The following SOX5 variants were observed in gnomAD, a reference collection of about 807,000 sequenced individuals.
The protein encoded by SOX5 is SRY-box transcription factor 5.
SOX5 carries 9 observed loss-of-function variants against 92.0 expected under a neutral mutation model. That is an observed-to-expected ratio of 0.10 (90% confidence interval 0.06 to 0.17). SOX5 has a LOEUF of 0.17. Among genes scored for constraint, SOX5 ranks in the 10% least tolerant of loss-of-function variants. The pLI is 1.00. For missense variants in SOX5, 642 were observed against 944.5 expected (o/e 0.68, Z 4.20); for synonymous variants, 344 against 336.3 (o/e 1.02, Z -0.25).
At chr12:24,338,797 C>T (rs947939296) in intron 2 of SOX5, among the ~76,000 whole-genome samples, 1 of 152,162 alleles carries the variant, frequency 6.6e-6, no homozygotes, top group Non-Finnish European at 1.5e-5. Context: ...CTCTTGCCTA[C>T]CACCACGTAA....
chr12:24,276,343 TCA>T (rs1188437282), intron 3 of SOX5, among the ~76,000 whole-genome samples: 1 of 152,162 alleles, frequency 6.6e-6, no homozygotes, highest in Non-Finnish European at 1.5e-5. Flanking sequence ...CTAAGGGTTT[TCA>T]CACATACACT....
chr12:24,338,852 C>A (rs1379025258), intron 2 of SOX5, among the ~76,000 whole-genome samples: 1 of 152,154 alleles, frequency 6.6e-6, no homozygotes, highest in Non-Finnish European at 1.5e-5. Flanking sequence ...GATTGTGAGG[C>A]CTCCCCAGTC....
chr12:24,500,618 G>C (rs1168068467), intron 1 of SOX5, among the ~76,000 whole-genome samples: 1 of 151,964 alleles, frequency 6.6e-6, no homozygotes, highest in Non-Finnish European at 1.5e-5. Context: ...CTTTTCTATT[G>C]AGCTTCATTT....
At chr12:23,730,580 C>T (rs779020976) in intron 6 of SOX5, among the ~76,000 whole-genome samples, 1 of 152,144 alleles carries the variant, frequency 6.6e-6, no homozygotes, top group Admixed American at 6.6e-5. Context: ...AAGACTGTAA[C>T]CCTACAAAGT....
At chr12:24,196,471 G>T (rs1017212419) in intron 4 of SOX5, among the ~76,000 whole-genome samples, 1 of 152,110 alleles carries the variant, frequency 6.6e-6, no homozygotes, top group African/African-American at 2.4e-5. Flanking sequence ...TTTCTAAATG[G>T]AGAAACTGGA....
intron 4 of SOX5, among the ~76,000 whole-genome samples, chr12:24,028,312 C>T (rs926947918): frequency 3.3e-5 from 5 of 152,024 alleles, no homozygotes; most frequent in Admixed American, 6.6e-5. Context: ...GCCTGTCACA[C>T]AGCAATGCCT....
intron 2 of SOX5, among the ~76,000 whole-genome samples, chr12:24,361,797 CT>C (rs778270371): frequency 2.6e-5 from 4 of 152,250 alleles, no homozygotes; most frequent in African/African-American, 4.8e-5. Context: ...GCACTAGAAT[CT>C]CCCCATAGTC....
At chr12:24,141,909 T>C (rs1011987382) in intron 4 of SOX5, among the ~76,000 whole-genome samples, 1 of 152,090 alleles carries the variant, frequency 6.6e-6, no homozygotes, top group African/African-American at 2.4e-5. Context: ...TATATTCGGG[T>C]ATGATGGTCT....
intron 3 of SOX5, among the ~76,000 whole-genome samples, chr12:24,217,707 C>T (rs1431692369): frequency 6.6e-6 from 1 of 152,094 alleles, no homozygotes; most frequent in Non-Finnish European, 1.5e-5. Context: ...AAAAGACAAC[C>T]TACAGAATGG....
intron 4 of SOX5, among the ~76,000 whole-genome samples, chr12:23,992,798 G>T (rs1424664977): frequency 1.3e-5 from 2 of 152,120 alleles, no homozygotes; most frequent in African/African-American, 4.8e-5. Context: ...GCTTCCCAAA[G>T]CCAAAGTGAA....
At chr12:24,359,632 T>A (rs909643021) in intron 2 of SOX5, among the ~76,000 whole-genome samples, 22 of 152,200 alleles carry the variant, frequency 1.4e-4, no homozygotes, top group Admixed American at 5.9e-4. Context: ...TTCCAATAAT[T>A]TCTGCTGGTT....
At chr12:24,473,246 C>A (rs914183607) in intron 1 of SOX5, among the ~76,000 whole-genome samples, 1 of 152,070 alleles carries the variant, frequency 6.6e-6, no homozygotes, top group African/African-American at 2.4e-5. Context: ...GCAATCAACT[C>A]TCTCCAAGAG....
intron 7 of SOX5, among the ~76,000 whole-genome samples, chr12:23,647,864 A>C (rs1027361096): frequency 6.6e-6 from 1 of 152,120 alleles, no homozygotes; most frequent in Non-Finnish European, 1.5e-5. Context: ...ACTTCCTGCA[A>C]CTCAACAATA....
intron 6 of SOX5, among the ~76,000 whole-genome samples, chr12:23,719,198 G>T (rs188989223): frequency 8.5e-5 from 13 of 152,218 alleles, no homozygotes; most frequent in African/African-American, 3.1e-4. Flanking sequence ...AAAATTATCG[G>T]ATACCATGCG....
At chr12:24,519,800 T>A (rs1737519772) in intron 1 of SOX5, among the ~76,000 whole-genome samples, 2 of 152,136 alleles carry the variant, frequency 1.3e-5, no homozygotes, top group Non-Finnish European at 2.9e-5. Flanking sequence ...CAAGGTCACC[T>A]TGGAAATGTA....
At chr12:24,312,098 C>T (rs1949237294) in intron 2 of SOX5, among the ~76,000 whole-genome samples, 1 of 152,162 alleles carries the variant, frequency 6.6e-6, no homozygotes, top group East Asian at 1.9e-4. Flanking sequence ...TTCTTTTCAA[C>T]TAACATTGAG....
chr12:24,233,131 T>C (rs975794846), intron 3 of SOX5, among the ~76,000 whole-genome samples: 12 of 152,112 alleles, frequency 7.9e-5, no homozygotes, highest in Non-Finnish European at 1.3e-4. Context: ...AACTTCATGA[T>C]GAAAGACAAA....
chr12:23,650,720 G>A (rs2081453822), intron 7 of SOX5, among the ~76,000 whole-genome samples: 1 of 152,118 alleles, frequency 6.6e-6, no homozygotes, highest in Non-Finnish European at 1.5e-5. Context: ...ATGCAGAAAC[G>A]GAATGAATGG....
rs192193941 is a variant in SOX5, at chr12:24,506,677, G to A, written c.-251+55652C>T. Reference sequence around the variant, plus strand: ...TCCTACTGATAAAATCTGCTGATCAGAGCCTTGAAGAATCTATTAAAATTT... The same window carrying A: ...TCCTACTGATAAAATCTGCTGATCAAAGCCTTGAAGAATCTATTAAAATTT... On this transcript the variant is annotated intron_variant, in intron 1 of 4. Coordinates refer to the SOX5 transcript ENST00000446891. 1.4e-3 allele frequency among the ~76,000 whole-genome samples: 207 copies of A among 151,736 alleles called. 1 individual carries two copies. The highest frequency in any genetic ancestry group is 6.6e-3 in the Admixed American group (100 of 15,236).
Sources: gnomAD v4.1 joint callset for allele counts (sites outside exome capture counted in the v4.1 genomes callset) on GRCh38, gnomAD v4.1.1 for gene constraint, MANE v1.5 for transcripts, NCBI Gene and HGNC (gene_info 2026-07-23, HGNC 2026-07-21) for gene names.